Variants in BIN1 observed in about 807,000 individuals in gnomAD.
BIN1 encodes the protein bridging integrator 1.
BIN1 carries 53 observed loss-of-function variants against 82.0 expected under a neutral mutation model. The ratio of observed to expected loss-of-function variants is 0.65; its 90% CI spans 0.52 to 0.81. BIN1 has a LOEUF of 0.81. Among genes scored for constraint, BIN1 ranks in the 40% least tolerant of loss-of-function variants. The pLI, the probability that BIN1 is intolerant of heterozygous loss-of-function variation, is 0.00. For synonymous variants in BIN1, 302 were observed against 328.0 expected, an observed-to-expected ratio of 0.92 and a Z score of 0.86; for missense variants, 642 against 784.4, an observed-to-expected ratio of 0.82 and a Z score of 2.17.
chr2:127,050,675 C>T, intron 17 of BIN1, 127 bp downstream of exon 17: 1 of 1,340,940 alleles, frequency 7.5e-7, no homozygotes. Flanking sequence ...TGCCACCTTG[C>T]TGGCTGGGAG....
chr2:127,086,617 CCT>C (rs1678199672), intron 1 of BIN1, among the ~76,000 whole-genome samples: 1 of 152,044 alleles, frequency 6.6e-6, no homozygotes. Flanking sequence ...AAGCAATTCC[CCT>C]GCCTCAGCCT....
chr2:127,060,197 T>A (rs1219020698), intron 10 of BIN1, among the ~76,000 whole-genome samples: 1 of 152,142 alleles, frequency 6.6e-6, no homozygotes, highest in Admixed American at 6.5e-5. Context: ...GTATTCTCCT[T>A]AAAGAATATA....
chr2:127,071,636 G>A (rs529783723), intron 2 of BIN1, among the ~76,000 whole-genome samples: 72 of 152,254 alleles, frequency 4.7e-4, no homozygotes, highest in African/African-American at 1.7e-3. Context: ...CAGGAGGGGT[G>A]AACAATAGGT....
At chr2:127,051,039 G>C (rs1682875079) in intron 16 of BIN1, 115 bp downstream of exon 16, 2 of 1,522,086 alleles carry the variant, frequency 1.3e-6, no homozygotes, top group Admixed American at 3.4e-5. Flanking sequence ...CCCGCCTCCA[G>C]CTTCCTCAAC....
intron 12 of BIN1, chr2:127,054,361 C>T (rs1683372865): frequency 5.6e-6 from 2 of 359,858 alleles, no homozygotes; most frequent in Admixed American, 8.1e-5. Context: ...CCGCCACCAT[C>T]CACAGACTGG....
At chr2:127,058,019 C>T (rs1039749058) in intron 11 of BIN1, among the ~76,000 whole-genome samples, 2 of 152,170 alleles carry the variant, frequency 1.3e-5, no homozygotes, top group African/African-American at 4.8e-5. Flanking sequence ...CCCCTGCCCA[C>T]CTCTCCCTTC....
intron 10 of BIN1, among the ~76,000 whole-genome samples, chr2:127,060,982 C>T (rs908005570): frequency 6.6e-6 from 1 of 152,128 alleles, no homozygotes; most frequent in Non-Finnish European, 1.5e-5. Flanking sequence ...ACAGAGTGCA[C>T]AAGAGGCCTC....
intron 1 of BIN1, among the ~76,000 whole-genome samples, chr2:127,105,467 CCCTCCTCCT>C (rs70985434): frequency 4.8e-4 from 27 of 55,756 alleles, no homozygotes; most frequent in African/African-American, 9.9e-4. Flanking sequence ...GGGCTTTAAT[CCCTCCTCCT>C]CCTCCTCCTC....
In BIN1 at chr2:127,057,586, G is replaced by A. The variant is rs1405949552; in HGVS notation, c.1018C>T (p.Pro340Ser). ...KSPSQLRKGP[P>S]VPPPPKHTPS... ...GTGTGTTTGGGAGGCGGAGGGACTG[G>A]TGGGCCTTTCCGGAGCTGTGGGTCG... Residue 340 changes from proline (P) to serine (S), a missense_variant, in exon 12 of 19, where the codon CCA becomes TCA. Pro to Ser is a moderately conservative substitution (Grantham distance 74). Coordinates refer to ENST00000316724, the MANE Select transcript of BIN1 (RefSeq NM_139343.3). The surrounding 1 kb of genome is among the most constrained non-coding windows in gnomAD (Gnocchi z 5.0). The A allele has an allele frequency of 1.3e-6, 2 of 1,536,300 alleles. No individual in the cohort carries two copies. The highest frequency in any genetic ancestry group is 1.2e-5 in the South Asian group (1 of 82,754).
At chr2:127,086,814 G>C (rs893107662) in intron 1 of BIN1, among the ~76,000 whole-genome samples, 1 of 149,254 alleles carries the variant, frequency 6.7e-6, no homozygotes, top group East Asian at 2.1e-4. Context: ...ACAGTGATCC[G>C]TCTTTTTAAC....
rs547659375 is a variant in BIN1, at chr2:127,057,617, G to A, written c.1003-16C>T. On this transcript the variant is annotated splice_polypyrimidine_tract_variant and intron_variant, in intron 11 of 18. Coordinates refer to ENST00000316724, the MANE Select transcript of BIN1 (RefSeq NM_139343.3). This position sits in a 1 kb window ranked among gnomAD's most constrained non-coding sequence, Gnocchi z 5.0. ...CTTTCCGGAGCTGTGGGTCGGCGGC[G>A]GGTGAGGGGCCGCGCGGGAAGGCAC... The A allele has an allele frequency of 7.6e-4, 1,150 of 1,511,876 alleles. 14 individuals are homozygous for A. The South Asian group carries it at 0.013, about 17-fold the overall frequency. The allele number at this position is 1,511,876 out of a possible 1,614,324, so 93.7% of individuals were successfully genotyped here.
intron 2 of BIN1, among the ~76,000 whole-genome samples, chr2:127,075,897 A>G (rs1024929025): frequency 1.6e-5 from 1 of 64,508 alleles, no homozygotes; most frequent in Admixed American, 1.9e-4. Context: ...CAGCCCTCCC[A>G]GCTGCCCCCA....
rs542497565 is a variant in BIN1, at chr2:127,090,520, G to T, written c.85-13814C>A. On this transcript the variant is annotated intron_variant, in intron 1 of 18. Transcript: ENST00000316724. This position sits in a 1 kb window ranked among gnomAD's most constrained non-coding sequence, Gnocchi z 6.4. ...CCATCTGTCCCTCCACACAAGTGCGGGTGCTATTCTCAGCCCAGCTCCAGG... is the reference window on the plus strand; with the variant it reads ...CCATCTGTCCCTCCACACAAGTGCGTGTGCTATTCTCAGCCCAGCTCCAGG... 6.6e-6 allele frequency among the ~76,000 whole-genome samples: 1 copy of T among 152,200 alleles called. No individual in the cohort carries two copies. The highest frequency in any genetic ancestry group is 2.4e-5 in the African/African-American group (1 of 41,442).
rs950431800 is a variant in BIN1 at position 127,054,258 on chromosome 2, G to A, written c.1132-246C>T. ...CCGGCACAGGCTCCCGCCCACACCAGGAGGACGACCCCAGTGCCCGCCTCA... is the reference window on the plus strand; with the variant it reads ...CCGGCACAGGCTCCCGCCCACACCAAGAGGACGACCCCAGTGCCCGCCTCA... On this transcript the variant is annotated intron_variant, in intron 12 of 18. Coordinates refer to ENST00000316724, the MANE Select transcript of BIN1 (RefSeq NM_139343.3). 5.5e-6 allele frequency: 3 copies of A among 546,914 alleles called. No individual in the cohort carries two copies. In the Admixed American group the frequency reaches 8.7e-5, roughly 16 times the overall value. 33.9% of individuals were successfully genotyped at this position (546,914 alleles called of 1,614,324 possible). A position where few individuals can be genotyped will look rare whatever the true frequency, so the allele number is the denominator to read the frequency against.
rs1685442594 is a variant in BIN1, at chr2:127,068,473, G to A, written c.520-218C>T. Among the ~76,000 whole-genome samples, 2 of 152,162 alleles carry A rather than the reference G, an allele frequency of 1.3e-5. No individual in the cohort carries two copies. Among genetic ancestry groups the A allele is most frequent in the African/African-American group, 4.8e-5 (2 of 41,438 alleles). ...CAGAGGCAAAAGGTGAGCGTGGTTA[G>A]CAGCACAGGGGGCCCAGCAAGCACG... On this transcript the variant is annotated intron_variant, in intron 6 of 18. Coordinates refer to ENST00000316724, the MANE Select transcript of BIN1 (RefSeq NM_139343.3). This position sits in a 1 kb window ranked among gnomAD's most constrained non-coding sequence, Gnocchi z 4.9.
At chr2:127,073,030 C>T (rs866745807) in intron 2 of BIN1, among the ~76,000 whole-genome samples, 1 of 152,238 alleles carries the variant, frequency 6.6e-6, no homozygotes, top group Non-Finnish European at 1.5e-5. Flanking sequence ...CCACCTCCCC[C>T]CCACAGCAGG....
chr2:127,105,908 G>A (rs1681054827), intron 1 of BIN1, among the ~76,000 whole-genome samples: 1 of 152,246 alleles, frequency 6.6e-6, no homozygotes, highest in East Asian at 1.9e-4. Flanking sequence ...GTCGTCAGGG[G>A]AAGTGGCGTC....
At chr2:127,080,471 T>C (rs1182904807) in intron 1 of BIN1, among the ~76,000 whole-genome samples, 1 of 152,260 alleles carries the variant, frequency 6.6e-6, no homozygotes, top group Non-Finnish European at 1.5e-5. Flanking sequence ...ATTTGCACTC[T>C]GTCCAGGGTT....
chr2:127,094,029 G>A (rs1323381646), intron 1 of BIN1, among the ~76,000 whole-genome samples: 4 of 152,158 alleles, frequency 2.6e-5, no homozygotes, highest in Admixed American at 6.5e-5. Flanking sequence ...GAGCAGGGCT[G>A]GTCCACGAGC....
Sources: allele counts gnomAD v4.1 joint callset (sites outside exome capture counted in the v4.1 genomes callset), GRCh38; gene constraint gnomAD v4.1.1; non-coding constraint Gnocchi (gnomAD v3.1); transcripts MANE v1.5; gene names NCBI Gene and HGNC (gene_info 2026-07-23, HGNC 2026-07-21).